SPOCK3: variants seen among roughly 807,000 people sequenced by gnomAD.
SPOCK3 encodes testican-3.
In SPOCK3, 30 loss-of-function variants were observed where a neutral mutation model predicts 56.6. The ratio of observed to expected loss-of-function variants is 0.53; its 90% CI spans 0.40 to 0.72. The LOEUF (loss-of-function observed/expected upper bound fraction) is 0.72, where lower values mean the gene tolerates loss of function less well. Ranked by LOEUF, SPOCK3 falls within the 30% of genes least tolerant of loss-of-function variation. The pLI is 0.00. For synonymous variants in SPOCK3, 196 were observed against 183.3 expected (o/e 1.07, Z -0.56); for missense variants, 527 against 530.0 (o/e 0.99, Z 0.06).
At chr4:166,800,465 C>T (rs1345988602) in intron 6 of SPOCK3, among the ~76,000 whole-genome samples, 2 of 151,996 alleles carry the variant, frequency 1.3e-5, no homozygotes, top group South Asian at 4.1e-4. Flanking sequence ...CTATGCCTGT[C>T]AATGCCCCTG....
At chr4:167,185,814 C>T (rs902575073) in intron 2 of SPOCK3, among the ~76,000 whole-genome samples, 4 of 152,106 alleles carry the variant, frequency 2.6e-5, no homozygotes, top group Non-Finnish European at 5.9e-5. Flanking sequence ...TTTGAACCAA[C>T]GAGTTTCTAA....
intron 2 of SPOCK3, among the ~76,000 whole-genome samples, chr4:167,145,394 G>A (rs887275730): frequency 2.0e-5 from 3 of 152,020 alleles, no homozygotes; most frequent in Non-Finnish European, 4.4e-5. Context: ...ATAAACATGG[G>A]AAGCATATAA....
At chr4:166,894,298 G>A (rs1478357707) in intron 5 of SPOCK3, among the ~76,000 whole-genome samples, 1 of 152,002 alleles carries the variant, frequency 6.6e-6, no homozygotes, top group Admixed American at 6.6e-5. Flanking sequence ...TTGTGCCATA[G>A]GGCAGGTGAG....
At chr4:167,086,919 G>C (rs1411957786) in intron 2 of SPOCK3, among the ~76,000 whole-genome samples, 2 of 152,002 alleles carry the variant, frequency 1.3e-5, no homozygotes, top group East Asian at 3.9e-4. Flanking sequence ...ACCATCTTCA[G>C]AAATGGATAA....
intron 2 of SPOCK3, among the ~76,000 whole-genome samples, chr4:167,231,551 A>T (rs1737181851): frequency 6.6e-6 from 1 of 152,238 alleles, no homozygotes; most frequent in East Asian, 1.9e-4. Context: ...AGGTAGATTC[A>T]TGCAGTATAG....
chr4:167,223,897 T>A (rs1263008779), intron 2 of SPOCK3, among the ~76,000 whole-genome samples: 3 of 152,148 alleles, frequency 2.0e-5, no homozygotes, highest in Non-Finnish European at 4.4e-5. Flanking sequence ...GAGTCTGTCG[T>A]ATTTTTATTA....
At position 167,202,758 on chromosome 4, in the gene SPOCK3, T is replaced by TA. The variant is rs531063599; in HGVS notation, c.189+31226dup. Reference sequence around the variant, plus strand: ...CCAAAATAAACTTATGTGTATTCAATAAAAAAAAAAACTATGGAGATTGCT... The same window carrying TA: ...CCAAAATAAACTTATGTGTATTCAATAAAAAAAAAAAACTATGGAGATTGCT... On this transcript the variant is annotated intron_variant, in intron 2 of 10. Transcript: ENST00000357545. 5.3e-3 allele frequency among the ~76,000 whole-genome samples: 761 copies of TA among 144,654 alleles called. 2 individuals carry two copies. Among genetic ancestry groups the TA allele is most frequent in the African/African-American group, 8.4e-3 (336 of 39,988 alleles). 94.9% of individuals were successfully genotyped at this position (144,654 alleles called of 152,430 possible). A position where few individuals can be genotyped will look rare whatever the true frequency, so the allele number is the denominator to read the frequency against.
chr4:167,051,804 A>G (rs571810009), intron 3 of SPOCK3, among the ~76,000 whole-genome samples: 1 of 152,302 alleles, frequency 6.6e-6, no homozygotes, highest in South Asian at 2.1e-4. Context: ...CCATTTCTAG[A>G]TTGTGTGTCT....
At chr4:166,874,432 T>C (rs1432530987) in intron 6 of SPOCK3, among the ~76,000 whole-genome samples, 1 of 152,146 alleles carries the variant, frequency 6.6e-6, no homozygotes, top group African/African-American at 2.4e-5. Flanking sequence ...AAAATATAGG[T>C]CTTTGATAAG....
At chr4:167,199,811 C>T (rs1733345522) in intron 2 of SPOCK3, among the ~76,000 whole-genome samples, 1 of 150,222 alleles carries the variant, frequency 6.7e-6, no homozygotes, top group African/African-American at 2.4e-5. Context: ...TCTGCACTTT[C>T]CTGTACTTAT....
At chr4:166,736,552 T>G (rs778612953) in intron 10 of SPOCK3, among the ~76,000 whole-genome samples, 10 of 152,166 alleles carry the variant, frequency 6.6e-5, no homozygotes, top group Non-Finnish European at 2.9e-5. Context: ...TTACTTTTAT[T>G]GTTTATCTTT....
chr4:167,052,914 T>A (rs924136488), intron 3 of SPOCK3, among the ~76,000 whole-genome samples: 3 of 152,176 alleles, frequency 2.0e-5, no homozygotes, highest in Non-Finnish European at 4.4e-5. Flanking sequence ...TAGGAGTGCA[T>A]TTCCTCAAAC....
chr4:167,033,704 TGCCTGCCTGGGCCCCA>T (rs1472208286), intron 3 of SPOCK3, among the ~76,000 whole-genome samples: 1 of 151,924 alleles, frequency 6.6e-6, no homozygotes, highest in Non-Finnish European at 1.5e-5. Context: ...GAATCTTCCT[TGCCTGCCTGGGCCCCA>T]GTGTTACCAA....
chr4:166,849,272 T>C, intron 6 of SPOCK3, among the ~76,000 whole-genome samples: 1 of 152,214 alleles, frequency 6.6e-6, no homozygotes, highest in East Asian at 1.9e-4. Flanking sequence ...TGCATTTATA[T>C]TTCTGTCAGT....
At chr4:166,764,026 T>C (rs934407881) in intron 7 of SPOCK3, among the ~76,000 whole-genome samples, 3 of 152,046 alleles carry the variant, frequency 2.0e-5, no homozygotes, top group African/African-American at 7.2e-5. Context: ...GTTATAGTAT[T>C]GGGGCCTTTG....
At chr4:166,829,715 C>T (rs6850087) in intron 6 of SPOCK3, among the ~76,000 whole-genome samples, 111,703 of 151,882 alleles carry the variant, frequency 0.74, 41,143 homozygotes, top group East Asian at 0.81. Flanking sequence ...GTATCATCTA[C>T]GTCTCAGATA....
chr4:166,957,332 A>C (rs763928661), intron 4 of SPOCK3, among the ~76,000 whole-genome samples: 3 of 152,216 alleles, frequency 2.0e-5, no homozygotes, highest in Non-Finnish European at 4.4e-5. Flanking sequence ...ATAACTAGTA[A>C]ATTCAAGTGG....
At chr4:166,879,297 GGTAAGAGGATCACTT>G (rs1360258593) in intron 6 of SPOCK3, among the ~76,000 whole-genome samples, 3 of 152,044 alleles carry the variant, frequency 2.0e-5, no homozygotes, top group Admixed American at 6.6e-5. Context: ...GGGAGCCTGA[GGTAAGAGGATCACTT>G]GAGGCCAGGA....
intron 7 of SPOCK3, among the ~76,000 whole-genome samples, chr4:166,779,166 C>T (rs1233339001): frequency 6.6e-6 from 1 of 152,030 alleles, no homozygotes; most frequent in Non-Finnish European, 1.5e-5. Flanking sequence ...ATCAATCAAG[C>T]AACACTCTCT....
Sources: allele counts gnomAD v4.1 joint callset (sites outside exome capture counted in the v4.1 genomes callset), GRCh38; gene constraint gnomAD v4.1.1; transcripts MANE v1.5; gene names NCBI Gene and HGNC (gene_info 2026-07-23, HGNC 2026-07-21).